TCF20: variants seen among roughly 807,000 people sequenced by gnomAD.
TCF20 encodes the protein transcription factor 20.
TCF20 carries 3 observed loss-of-function variants against 148.6 expected under a neutral mutation model. The ratio of observed to expected loss-of-function variants is 0.02; its 90% CI spans 0.01 to 0.05. The LOEUF is 0.05. Ranked by LOEUF, TCF20 falls within the 10% of genes least tolerant of loss-of-function variation. The pLI is 1.00. For missense variants in TCF20, 2,350 were observed against 2,429.3 expected (o/e 0.97, Z 0.69); for synonymous variants, 1,049 against 909.5 (o/e 1.15, Z -2.76).
chr22:42,215,722 C>T (rs1342082969), intron 1 of TCF20, among the ~76,000 whole-genome samples: 1 of 152,128 alleles, frequency 6.6e-6, no homozygotes, highest in Non-Finnish European at 1.5e-5. Context: ...CCGCCCACCT[C>T]GGCCTCCCAA....
chr22:42,244,049 C>G (rs759245230), intron 1 of TCF20, among the ~76,000 whole-genome samples: 99 of 152,148 alleles, frequency 6.5e-4, no homozygotes, highest in Non-Finnish European at 1.2e-3. Flanking sequence ...TATAAAAATA[C>G]AAAAATTAGA....
chr22:42,329,894 G>A lies in TCF20; in HGVS notation c.-37+13585C>T, dbSNP rs748304594. ...CGAAATGGCTGTGGGCTCAGTGGGA[G>A]GTGGAGGGAGTATGAACTCACCAGG... On this transcript the variant is annotated intron_variant, in intron 1 of 1. Coordinates refer to the TCF20 transcript ENST00000515426. 3.8e-4 allele frequency among the ~76,000 whole-genome samples: 58 copies of A among 152,282 alleles called. 1 individual carries two copies. Among genetic ancestry groups the A allele is most frequent in the African/African-American group, 1.3e-3 (56 of 41,554 alleles).
At chr22:42,276,458 T>C (rs539872314) in intron 1 of TCF20, 1 of 152,316 alleles carries the variant, frequency 6.6e-6, no homozygotes, top group East Asian at 1.9e-4. Flanking sequence ...GAGTCCTGAC[T>C]CTTATGTGCT....
At chr22:42,232,108 C>G (rs1489289321) in intron 1 of TCF20, among the ~76,000 whole-genome samples, 1 of 152,132 alleles carries the variant, frequency 6.6e-6, no homozygotes, top group East Asian at 1.9e-4. Flanking sequence ...CCCAGAACAA[C>G]TTCCTTATCT....
chr22:42,238,398 A>T (rs544901903), intron 1 of TCF20, among the ~76,000 whole-genome samples: 5 of 152,212 alleles, frequency 3.3e-5, no homozygotes, highest in Non-Finnish European at 7.3e-5. Context: ...AAACTTTTCC[A>T]TATCAGCAAT....
At chr22:42,253,669 A>G (rs1473705162) in intron 1 of TCF20, among the ~76,000 whole-genome samples, 3 of 152,236 alleles carry the variant, frequency 2.0e-5, no homozygotes, top group African/African-American at 4.8e-5. Flanking sequence ...AAAACCCTGA[A>G]AACAGTAGAG....
At chr22:42,251,250 C>A (rs1273111921) in intron 1 of TCF20, among the ~76,000 whole-genome samples, 1 of 152,082 alleles carries the variant, frequency 6.6e-6, no homozygotes, top group Non-Finnish European at 1.5e-5. Flanking sequence ...CAGACAGCGC[C>A]ATCACAGCTC....
At chr22:42,229,632 T>G (rs1923218863) in intron 1 of TCF20, among the ~76,000 whole-genome samples, 1 of 152,162 alleles carries the variant, frequency 6.6e-6, no homozygotes, top group Non-Finnish European at 1.5e-5. Context: ...CCAACCATAC[T>G]GCTCACTATT....
At chr22:42,162,901 A>G (rs1935553315) in intron 5 of TCF20, among the ~76,000 whole-genome samples, 1 of 152,212 alleles carries the variant, frequency 6.6e-6, no homozygotes, top group Non-Finnish European at 1.5e-5. Flanking sequence ...ACCAATAAGC[A>G]GGAACACACA....
chr22:42,170,071 T>C (rs1280300800), intron 3 of TCF20, among the ~76,000 whole-genome samples, 175 bp from the exon 4 acceptor site: 2 of 152,026 alleles, frequency 1.3e-5, no homozygotes, highest in East Asian at 1.9e-4. Flanking sequence ...ATGATGGATA[T>C]CGGTCACTTA....
chr22:42,318,997 C>A (rs1280000155), intron 1 of TCF20, among the ~76,000 whole-genome samples: 1 of 152,198 alleles, frequency 6.6e-6, no homozygotes, highest in Non-Finnish European at 1.5e-5. Flanking sequence ...TAAAGGCATT[C>A]TCTGACACCT....
At chr22:42,296,548 C>A (rs1445129019) in intron 1 of TCF20, among the ~76,000 whole-genome samples, 2 of 152,244 alleles carry the variant, frequency 1.3e-5, no homozygotes, top group Non-Finnish European at 2.9e-5. Context: ...TGCCCACCAG[C>A]CGGCCCCCTG....
At chr22:42,189,228 G>A (rs1392931013) in intron 2 of TCF20, among the ~76,000 whole-genome samples, 2 of 152,200 alleles carry the variant, frequency 1.3e-5, no homozygotes, top group East Asian at 3.9e-4. Context: ...AAAACCGACA[G>A]GACTTGATGC....
At chr22:42,207,684 G>A (rs1181656419) in intron 2 of TCF20, among the ~76,000 whole-genome samples, 3 of 152,070 alleles carry the variant, frequency 2.0e-5, no homozygotes, top group South Asian at 4.1e-4. Context: ...GCATGGTGGC[G>A]CATGCCTCTA....
At chr22:42,216,453 T>C (rs1014201096) in intron 1 of TCF20, among the ~76,000 whole-genome samples, 2 of 152,190 alleles carry the variant, frequency 1.3e-5, no homozygotes, top group Non-Finnish European at 2.9e-5. Flanking sequence ...TCAGCCCATA[T>C]GGGTTCCACA....
chr22:42,313,599 T>TTC (rs1043399693), intron 1 of TCF20, among the ~76,000 whole-genome samples: 3 of 145,030 alleles, frequency 2.1e-5, no homozygotes, highest in African/African-American at 7.6e-5. Context: ...AATTCTTTCT[T>TTC]TTTTTTTTTT....
Position 42,214,214 on chromosome 22 carries a change from G to A in TCF20, c.1092C>T (p.Phe364=). The A allele has an allele frequency of 1.2e-6, 2 of 1,614,242 alleles. No individual in the cohort carries two copies. Among genetic ancestry groups the A allele is most frequent in the Non-Finnish European group, 1.7e-6 (2 of 1,180,042 alleles). The stretch of plus-strand genomic sequence containing the variant: ...CTGGAGAAGGGTTAGAAATGGGGCT[G>A]AAGTTCTGGTGAAACTGCATGGGGG... The part of the protein sequence containing the change: ...VRSPMQFHQN[F]SPISNPSPAA... The change falls in exon 2 of 6, where the codon TTC becomes TTT. Residue 364 remains phenylalanine, a synonymous_variant. Transcript: ENST00000677622.
At chr22:42,164,693 T>C (rs1935673187) in intron 5 of TCF20, among the ~76,000 whole-genome samples, 2 of 152,224 alleles carry the variant, frequency 1.3e-5, no homozygotes, top group South Asian at 4.1e-4. Flanking sequence ...GAAATTGTGG[T>C]GATGCTAGGA....
intron 2 of TCF20, among the ~76,000 whole-genome samples, chr22:42,190,181 A>T (rs1338026847): frequency 2.0e-5 from 3 of 152,178 alleles, no homozygotes; most frequent in African/African-American, 7.2e-5. Context: ...GAACAGGGCC[A>T]AGTAAGGTGG....
Sources: allele counts gnomAD v4.1 joint callset (sites outside exome capture counted in the v4.1 genomes callset), GRCh38; gene constraint gnomAD v4.1.1; transcripts MANE v1.5; gene names NCBI Gene and HGNC (gene_info 2026-07-23, HGNC 2026-07-21).